The following TRIM36 variants were observed in gnomAD, a reference collection of about 807,000 sequenced individuals.
TRIM36 encodes E3 ubiquitin-protein ligase TRIM36.
TRIM36 carries 42 observed loss-of-function variants against 72.4 expected under a neutral mutation model. The observed-to-expected ratio is 0.58, with a 90% CI of 0.45 to 0.75. The LOEUF is 0.75. Among genes scored for constraint, TRIM36 ranks in the 30% least tolerant of loss-of-function variants. The pLI is 0.00. For synonymous variants in TRIM36, 315 were observed against 282.8 expected (o/e 1.11, Z -1.14); for missense variants, 913 against 857.1 (o/e 1.07, Z -0.81).
chr5:115,169,905 C>A lies in TRIM36; in HGVS notation c.-271G>T, dbSNP rs1755012489. ...CGGCTGCAGCAGCGGCTCCTGCGGA[C>A]TGCGGCTGGGAACGGCGCCGCGCAG... On this transcript the variant is annotated 5_prime_UTR_variant, in exon 1 of 10. Coordinates refer to ENST00000513154, the MANE Select transcript of TRIM36 (RefSeq NM_001300759.2). 2.3e-6 allele frequency: 3 copies of A among 1,291,244 alleles called. No homozygotes were observed. The highest frequency in any genetic ancestry group is 1.5e-5 in the African/African-American group (1 of 64,646). 80.0% of individuals were successfully genotyped at this position (1,291,244 alleles called of 1,614,324 possible). A position where few individuals can be genotyped will look rare whatever the true frequency, so the allele number is the denominator to read the frequency against.
intron 7 of TRIM36, among the ~76,000 whole-genome samples, chr5:115,136,200 T>C (rs1000365413): frequency 2.7e-5 from 4 of 150,376 alleles, no homozygotes; most frequent in African/African-American, 9.8e-5. Flanking sequence ...TAAAATAGGG[T>C]CTTTAAAGAG....
At chr5:115,159,660 C>T (rs1399230439) in intron 2 of TRIM36, 1 of 454,476 alleles carries the variant, frequency 2.2e-6, no homozygotes, top group East Asian at 7.0e-5. Flanking sequence ...CCACAGATCT[C>T]CGTTGTGATG....
intron 2 of TRIM36, among the ~76,000 whole-genome samples, chr5:115,154,866 G>C (rs1754090031): frequency 6.6e-6 from 1 of 151,992 alleles, no homozygotes; most frequent in African/African-American, 2.4e-5. Context: ...CCAAAACCAG[G>C]AAAGGACATA....
chr5:115,127,297 A>T (rs1431650964), intron 9 of TRIM36, among the ~76,000 whole-genome samples: 1 of 152,258 alleles, frequency 6.6e-6, no homozygotes, highest in East Asian at 1.9e-4. Context: ...GCAGTGGCTC[A>T]TGCCTGTAAT....
chr5:115,143,365 C>G (rs1234701812), intron 4 of TRIM36, among the ~76,000 whole-genome samples: 1 of 151,528 alleles, frequency 6.6e-6, no homozygotes, highest in Non-Finnish European at 1.5e-5. Context: ...ACAAAAGACC[C>G]AAACGTTTCC....
At chr5:115,170,833 G>T (rs1422650057), upstream of TRIM36, among the ~76,000 whole-genome samples, 1 of 152,182 alleles carries the variant, frequency 6.6e-6, no homozygotes, top group Non-Finnish European at 1.5e-5. Flanking sequence ...AGCGGCTCCG[G>T]CACCCCCGCA....
At chr5:115,158,102 A>G (rs1754279830) in intron 2 of TRIM36, among the ~76,000 whole-genome samples, 1 of 151,260 alleles carries the variant, frequency 6.6e-6, no homozygotes, top group Non-Finnish European at 1.5e-5. Context: ...CTGTACCCCA[A>G]TAAACTATGG....
At chr5:115,176,829 C>T (rs1755362027) in intron 1 of TRIM36, among the ~76,000 whole-genome samples, 1 of 152,182 alleles carries the variant, frequency 6.6e-6, no homozygotes, top group Non-Finnish European at 1.5e-5. Flanking sequence ...AGCGAAAAGA[C>T]AGCTTTCAGA....
At chr5:115,178,192 A>G (rs1473749080) in intron 1 of TRIM36, among the ~76,000 whole-genome samples, 1 of 152,234 alleles carries the variant, frequency 6.6e-6, no homozygotes, top group Non-Finnish European at 1.5e-5. Flanking sequence ...AGGAAAGCAT[A>G]GCCAACTAAT....
rs1261666241 is a variant in TRIM36, at chr5:115,126,688, T to C, written c.1966A>G (p.Ile656Val). Residue 656 changes from isoleucine (I) to valine (V), a missense_variant, in exon 10 of 10, where the codon ATT (isoleucine) becomes GTT (valine). Ile to Val is a conservative substitution (Grantham distance 29, BLOSUM62 3). Coordinates refer to ENST00000513154, the MANE Select transcript of TRIM36 (RefSeq NM_001300759.2). The part of the protein sequence containing the change: ...RVLPMPTSIG[I>V]FLDCDKGKVD... ...TTGCCTTTATCACAGTCAAGGAAAA[T>C]CCCAATACTTGTTGGCATAGGGAGA... The C allele has an allele frequency of 1.9e-6, 3 of 1,614,136 alleles. No homozygotes were observed. The highest frequency in any genetic ancestry group is 2.2e-5 in the East Asian group (1 of 44,868).
At chr5:115,171,206 C>A, upstream of TRIM36, 1 of 1,614,152 alleles carries the variant, frequency 6.2e-7, no homozygotes, top group Non-Finnish European at 8.5e-7. Flanking sequence ...GCGGTAGCCT[C>A]GTCTCCAATC....
At chr5:115,135,754 A>G (rs1752931621) in intron 7 of TRIM36, among the ~76,000 whole-genome samples, 1 of 152,230 alleles carries the variant, frequency 6.6e-6, no homozygotes, top group Non-Finnish European at 1.5e-5. Flanking sequence ...ATGAAATACA[A>G]TCAGCATTTT....
chr5:115,138,847 GCT>G (rs1322908266), intron 5 of TRIM36, among the ~76,000 whole-genome samples: 1 of 152,032 alleles, frequency 6.6e-6, no homozygotes, highest in Non-Finnish European at 1.5e-5. Flanking sequence ...ACAGAGTCTC[GCT>G]CTGTCGCCCA....
chr5:115,161,882 C>T (rs910997219), intron 2 of TRIM36, among the ~76,000 whole-genome samples: 3 of 152,202 alleles, frequency 2.0e-5, no homozygotes, highest in Non-Finnish European at 2.9e-5. Flanking sequence ...GCCTGGGGCT[C>T]TCTTCATTAA....
rs190221221 is a variant in TRIM36 at position 115,159,343 on chromosome 5, G to A, written c.262+4175C>T. ...TGTTCACTAAGTAAATGTAAAGGAT[G>A]TTTTAAGATATCATATACAAAAAAC... On this transcript the variant is annotated intron_variant, in intron 2 of 9. Transcript: ENST00000513154. Among the ~76,000 whole-genome samples the A allele has an allele frequency of 2.3e-3, 356 of 152,300 alleles. 1 individual carries two copies. Among genetic ancestry groups the A allele is most frequent in the Non-Finnish European group, 4.1e-3 (280 of 68,016 alleles).
intron 2 of TRIM36, among the ~76,000 whole-genome samples, chr5:115,148,600 G>A (rs917131173): frequency 3.3e-5 from 5 of 151,758 alleles, no homozygotes; most frequent in South Asian, 2.1e-4. Context: ...TAGTAGAGAT[G>A]GGGTTTCACC....
rs533159462 is a variant in TRIM36 at position 115,132,276 on chromosome 5, A to G, written c.1499-1387T>C. On this transcript the variant is annotated intron_variant, in intron 8 of 9. Transcript: ENST00000513154. ...CAGCTGGGCCTGGTGGCTCACGTCTATAATTCCAGCACTTTGGGAGGCCGA... is the reference window on the plus strand; with the variant it reads ...CAGCTGGGCCTGGTGGCTCACGTCTGTAATTCCAGCACTTTGGGAGGCCGA... Among the ~76,000 whole-genome samples, 13 of 151,686 alleles carry G rather than the reference A, an allele frequency of 8.6e-5. No individual in the cohort carries two copies. In the East Asian group the frequency reaches 2.1e-3, roughly 25 times the overall value.
At chr5:115,133,725 A>G in intron 8 of TRIM36, 135 bp downstream of exon 8, 1 of 814,432 alleles carries the variant, frequency 1.2e-6, no homozygotes, top group Non-Finnish European at 1.8e-6. Context: ...CTGGGATAGA[A>G]GCTACTTTTC....
In TRIM36 at chr5:115,126,295, A is replaced by G; in HGVS notation, c.*208T>C. The G allele has an allele frequency of 1.9e-6, 1 of 530,066 alleles. No individual in the cohort carries two copies. The highest frequency in any genetic ancestry group is 3.3e-6 in the Non-Finnish European group (1 of 301,372). 32.8% of individuals were successfully genotyped at this position (530,066 alleles called of 1,614,324 possible). On this transcript the variant is annotated 3_prime_UTR_variant, in exon 10 of 10. Coordinates refer to ENST00000513154, the MANE Select transcript of TRIM36 (RefSeq NM_001300759.2). ...TAACCACTTCAGTATTAACTTGGAA[A>G]GAACATCTTCACTTTCATCATTTGT...
Sources: allele counts gnomAD v4.1 joint callset (sites outside exome capture counted in the v4.1 genomes callset), GRCh38; gene constraint gnomAD v4.1.1; transcripts MANE v1.5; gene names NCBI Gene and HGNC (gene_info 2026-07-23, HGNC 2026-07-21).